Variants in EPHA3 observed in about 807,000 individuals in gnomAD.
EPHA3 encodes ephrin type-A receptor 3.
In EPHA3, 42 loss-of-function variants were observed where a neutral mutation model predicts 107.1. That is an observed-to-expected ratio of 0.39 (90% CI 0.31 to 0.51). The LOEUF is 0.51. Among genes scored for constraint, EPHA3 ranks in the 20% least tolerant of loss-of-function variants. EPHA3 has a pLI of 0.78. For missense variants in EPHA3, 1,183 were observed against 1,211.2 expected (o/e 0.98, Z 0.35); for synonymous variants, 461 against 424.8 (o/e 1.09, Z -1.05).
chr3:89,344,448 A>G (rs547268998), intron 5 of EPHA3, among the ~76,000 whole-genome samples: 1 of 152,298 alleles, frequency 6.6e-6, no homozygotes, highest in Non-Finnish European at 1.5e-5. Flanking sequence ...CATTTTATAT[A>G]TTTATTTCAG....
chr3:89,173,199 T>A (rs913075382), intron 2 of EPHA3, among the ~76,000 whole-genome samples: 6 of 152,098 alleles, frequency 3.9e-5, no homozygotes, highest in Non-Finnish European at 7.4e-5. Context: ...CATCAAGTAT[T>A]GAATTTAATG....
intron 5 of EPHA3, among the ~76,000 whole-genome samples, chr3:89,366,629 G>T (rs186789320): frequency 4.6e-5 from 7 of 150,694 alleles, no homozygotes; most frequent in Admixed American, 6.7e-5. Context: ...TCAAGGAAAA[G>T]ATCTTGAGAA....
At chr3:89,421,918 T>C (rs1004477997) in intron 11 of EPHA3, among the ~76,000 whole-genome samples, 7 of 151,266 alleles carry the variant, frequency 4.6e-5, no homozygotes, top group African/African-American at 1.7e-4. Context: ...TCAAACCGAC[T>C]CTGTAACATT....
chr3:89,327,148 T>C (rs1355726401), intron 3 of EPHA3, among the ~76,000 whole-genome samples: 1 of 152,146 alleles, frequency 6.6e-6, no homozygotes, highest in Non-Finnish European at 1.5e-5. Context: ...AGTGGAGTTT[T>C]AAACACATGT....
At chr3:89,350,271 G>C (rs1707777910) in intron 5 of EPHA3, among the ~76,000 whole-genome samples, 1 of 149,518 alleles carries the variant, frequency 6.7e-6, no homozygotes, top group South Asian at 2.1e-4. Flanking sequence ...ACGTAGATTT[G>C]GTCTTTTCAC....
At chr3:89,429,972 C>G (rs1709534987) in intron 12 of EPHA3, among the ~76,000 whole-genome samples, 1 of 152,080 alleles carries the variant, frequency 6.6e-6, no homozygotes, top group Admixed American at 6.6e-5. Context: ...CCATGTTGGC[C>G]AGGCTGGTTT....
At chr3:89,422,700 C>G (rs1709375150) in intron 11 of EPHA3, among the ~76,000 whole-genome samples, 2 of 151,328 alleles carry the variant, frequency 1.3e-5, no homozygotes. Flanking sequence ...GAAAAAAATT[C>G]TTGAAAATAA....
In EPHA3 at chr3:89,431,060, C is replaced by G; in HGVS notation, c.2137-90C>G. ...AAAGTGTGTATAGTCAGTCTTGTTA[C>G]AAAATTCAATATGTGAGATTTTAAC... On this transcript the variant is annotated intron_variant, in intron 12 of 16. Coordinates refer to ENST00000336596, the MANE Select transcript of EPHA3 (RefSeq NM_005233.6). 2.9e-6 allele frequency: 4 copies of G among 1,363,214 alleles called. 1 individual carries two copies. In the South Asian group the frequency reaches 5.5e-5, roughly 19 times the overall value. The allele number at this position is 1,363,214 out of a possible 1,614,324, so 84.4% of individuals were successfully genotyped here.
intron 2 of EPHA3, among the ~76,000 whole-genome samples, chr3:89,144,484 T>G (rs1350285222): frequency 6.6e-6 from 1 of 151,762 alleles, no homozygotes; most frequent in Non-Finnish European, 1.5e-5. Flanking sequence ...GAGGTGTGCT[T>G]CTTTTTGAAC....
intron 1 of EPHA3, among the ~76,000 whole-genome samples, chr3:89,123,899 T>G (rs1280540716): frequency 6.6e-6 from 1 of 152,194 alleles, no homozygotes; most frequent in African/African-American, 2.4e-5. Context: ...TATTTGGCAA[T>G]CACATCATTA....
At chr3:89,128,293 G>C (rs1348159391) in intron 2 of EPHA3, among the ~76,000 whole-genome samples, 3 of 152,046 alleles carry the variant, frequency 2.0e-5, no homozygotes, top group African/African-American at 7.2e-5. Flanking sequence ...TTCTCTTCCT[G>C]ACACACCTTG....
At chr3:89,147,910 C>T (rs1385348451) in intron 2 of EPHA3, among the ~76,000 whole-genome samples, 1 of 151,680 alleles carries the variant, frequency 6.6e-6, no homozygotes, top group African/African-American at 2.4e-5. Flanking sequence ...AGGAGGAAAA[C>T]CAGAATGGAA....
chr3:89,359,917 TTAAAC>T (rs1394814335), intron 5 of EPHA3, among the ~76,000 whole-genome samples: 5 of 149,084 alleles, frequency 3.4e-5, no homozygotes, highest in African/African-American at 1.2e-4. Flanking sequence ...TATTTATTAT[TTAAAC>T]TAACAACCAA....
chr3:89,345,314 CA>C (rs1249638285), intron 5 of EPHA3, among the ~76,000 whole-genome samples: 2 of 151,266 alleles, frequency 1.3e-5, no homozygotes, highest in Admixed American at 1.3e-4. Context: ...ATCAAGACAG[CA>C]AAGTTCTGAG....
rs1164193764 is a variant in EPHA3, at chr3:89,202,530, A to AT, written c.154-7330_154-7329insT. Among the ~76,000 whole-genome samples, 83 of 27,352 alleles carry AT rather than the reference A, an allele frequency of 3.0e-3. No homozygotes were observed. In the East Asian group the frequency reaches 0.052, roughly 17 times the overall value. 17.9% of individuals were successfully genotyped at this position (27,352 alleles called of 152,430 possible). Reference sequence around the variant, plus strand: ...GACTCTGTCTCAAAAAAAAAAAAAAAAAAAATATATATATATATATATATA... The same window carrying AT: ...GACTCTGTCTCAAAAAAAAAAAAAAATAAAAATATATATATATATATATATA... On this transcript the variant is annotated intron_variant, in intron 2 of 16. Coordinates refer to ENST00000336596, the MANE Select transcript of EPHA3 (RefSeq NM_005233.6).
intron 13 of EPHA3, among the ~76,000 whole-genome samples, chr3:89,434,865 C>G (rs1480272657): frequency 6.6e-6 from 1 of 152,076 alleles, no homozygotes; most frequent in Non-Finnish European, 1.5e-5. Flanking sequence ...ATAGCTGTTT[C>G]GAGTTCTTCA....
chr3:89,170,562 GTTC>G (rs1277933818), intron 2 of EPHA3, among the ~76,000 whole-genome samples: 1 of 152,092 alleles, frequency 6.6e-6, no homozygotes, highest in Non-Finnish European at 1.5e-5. Flanking sequence ...ATACGAACTA[GTTC>G]TTCTACACTT....
chr3:89,269,385 C>A (rs947946478), intron 3 of EPHA3, among the ~76,000 whole-genome samples: 1 of 152,008 alleles, frequency 6.6e-6, no homozygotes, highest in Non-Finnish European at 1.5e-5. Flanking sequence ...TTGGTTCCTA[C>A]CCCAGACTGA....
chr3:89,338,580 G>A (rs143710389), intron 3 of EPHA3, among the ~76,000 whole-genome samples: 1 of 152,146 alleles, frequency 6.6e-6, no homozygotes, highest in Non-Finnish European at 1.5e-5. Flanking sequence ...ACGGAGTCTC[G>A]CTCTGTCGCC....
Sources: gnomAD v4.1 joint callset for allele counts (sites outside exome capture counted in the v4.1 genomes callset) on GRCh38, gnomAD v4.1.1 for gene constraint, MANE v1.5 for transcripts, NCBI Gene and HGNC (gene_info 2026-07-23, HGNC 2026-07-21) for gene names.